The following DNAAF2 variants were observed in gnomAD, a reference collection of about 807,000 sequenced individuals.
DNAAF2 encodes the protein protein kintoun.
In DNAAF2, 58 loss-of-function variants were observed where a neutral mutation model predicts 48.8. The ratio of observed to expected loss-of-function variants is 1.19; its 90% CI spans 0.96 to 1.48. The LOEUF (loss-of-function observed/expected upper bound fraction) is 1.48. Among genes scored for constraint, DNAAF2 ranks in the 40% most tolerant of loss-of-function variants. The probability of loss-of-function intolerance (pLI) is 0.00; values close to 1 mark genes in which losing one functional copy is unlikely to be tolerated. For missense variants in DNAAF2, 1,241 were observed against 1,116.1 expected, an observed-to-expected ratio of 1.11 and a Z score of -1.59; for synonymous variants, 567 against 481.2, an observed-to-expected ratio of 1.18 and a Z score of -2.33.
chr14:49,635,179 A>G lies in DNAAF2; in HGVS notation c.-30T>C. The stretch of plus-strand genomic sequence containing the variant: ...TCCTGTGGCTCCTCGCCCTCGGGCC[A>G]AAGGCGATCAGTCTGACACTGGGTT... On this transcript the variant is annotated 5_prime_UTR_variant, in exon 1 of 3. Transcript: ENST00000298292. 6.5e-7 allele frequency: 1 copy of G among 1,548,946 alleles called. No homozygotes were observed. The highest frequency in any genetic ancestry group is 8.7e-7 in the Non-Finnish European group (1 of 1,146,214).
At chr14:49,630,990 C>A (rs1883146968) in intron 1 of DNAAF2, among the ~76,000 whole-genome samples, 4 of 152,120 alleles carry the variant, frequency 2.6e-5, no homozygotes, top group Admixed American at 2.6e-4. Flanking sequence ...ACCTCGTGAT[C>A]TGCCTGCTTC....
At position 49,634,031 on chromosome 14, in the gene DNAAF2, G is replaced by A. The variant is rs1227922342; in HGVS notation, c.1119C>T (p.Ser373=). 5.9e-6 allele frequency: 9 copies of A among 1,520,974 alleles called. No homozygotes were observed. In the Admixed American group the frequency reaches 6.2e-5, roughly 11 times the overall value. The allele number at this position is 1,520,974 out of a possible 1,614,324, so 94.2% of individuals were successfully genotyped here. A position where few individuals can be genotyped will look rare whatever the true frequency, so the allele number is the denominator to read the frequency against. ...AAAPEESADR[S]GTDGQACASA... ...AAGCGCAGGCCTGGCCGTCAGTTCC[G>A]GACCGGTCCGCGGACTCTTCCGGCG... The change falls in exon 1 of 3, where the codon TCC becomes TCT. Residue 373 remains serine (S), a synonymous_variant. Transcript: ENST00000298292.
chr14:49,634,496 C>T lies in DNAAF2; in HGVS notation c.654G>A (p.Lys218=), dbSNP rs1200087064. Reference sequence around the variant, plus strand: ...GGTAGGGGAAGTCCGGGAGAGGACCCTTCGGCTCCCCGTCAGGCCTTGCGG... The same window carrying T: ...GGTAGGGGAAGTCCGGGAGAGGACCTTTCGGCTCCCCGTCAGGCCTTGCGG... ...VIPARPDGEP[K]GPLPDFPYPY... Residue 218 remains lysine (K), a synonymous_variant, in exon 1 of 3, where the codon AAG becomes AAA. Coordinates refer to ENST00000298292, the MANE Select transcript of DNAAF2 (RefSeq NM_018139.3). The T allele has an allele frequency of 1.3e-6, 2 of 1,593,768 alleles. No homozygotes were observed. Among genetic ancestry groups the T allele is most frequent in the East Asian group, 2.2e-5 (1 of 44,598 alleles).
intron 1 of DNAAF2, among the ~76,000 whole-genome samples, chr14:49,632,825 G>A (rs895896754): frequency 6.6e-6 from 1 of 151,970 alleles, no homozygotes; most frequent in African/African-American, 2.4e-5. Flanking sequence ...TATGTTAAAA[G>A]AGCTAAAAAA....
At chr14:49,628,404 T>C (rs1883066108) in intron 1 of DNAAF2, among the ~76,000 whole-genome samples, 1 of 152,194 alleles carries the variant, frequency 6.6e-6, no homozygotes, top group African/African-American at 2.4e-5. Flanking sequence ...CTTGGTACTT[T>C]TTCTGTCTAT....
Position 49,634,705 on chromosome 14 carries a change from C to G in DNAAF2, c.445G>C (p.Asp149His). 1.9e-6 allele frequency: 3 copies of G among 1,606,178 alleles called. No individual in the cohort carries two copies. Among genetic ancestry groups the G allele is most frequent in the Non-Finnish European group, 8.5e-7 (1 of 1,179,634 alleles). Reference sequence around the variant, plus strand: ...TGCCGCCGGGCCAGCGCAAGCGCGTCTGGATGGAAGACCACGTCGTAGACC... The same window carrying G: ...TGCCGCCGGGCCAGCGCAAGCGCGTGTGGATGGAAGACCACGTCGTAGACC... ...YMVYDVVFHP[D>H]ALALARRHEG... Residue 149 changes from aspartate (D) to histidine (H), a missense_variant, in exon 1 of 3, where the codon GAC (aspartate) becomes CAC (histidine). Transcript: ENST00000298292.
In DNAAF2 at chr14:49,633,295, A is replaced by T; in HGVS notation, c.1855T>A (p.Ser619Thr). 6.2e-7 allele frequency: 1 copy of T among 1,613,058 alleles called. No individual in the cohort carries two copies. The highest frequency in any genetic ancestry group is 8.5e-7 in the Non-Finnish European group (1 of 1,179,166). Residue 619 changes from serine to threonine, a missense_variant, in exon 1 of 3, where the codon TCT becomes ACT. Transcript: ENST00000298292. ...CTGGAAAGAACTGTTACCTCCAAAG[A>T]ATCGTTGTTTACACCATAATACCAC... is the stretch of plus-strand genomic sequence containing the variant. ...REWYYGVNNDSLEERLFVNEE... is the reference protein window; with the variant it reads ...REWYYGVNNDTLEERLFVNEE...
At chr14:49,631,270 C>T (rs1477603329) in intron 1 of DNAAF2, among the ~76,000 whole-genome samples, 2 of 152,086 alleles carry the variant, frequency 1.3e-5, no homozygotes, top group Admixed American at 1.3e-4. Context: ...AATAATACAC[C>T]AAATATTTTA....
intron 1 of DNAAF2, among the ~76,000 whole-genome samples, chr14:49,630,711 TAC>T (rs34629972): frequency 0.089 from 10,730 of 120,074 alleles, 1,338 homozygotes; most frequent in African/African-American, 0.29. Flanking sequence ...ATAAACTCTC[TAC>T]ACACACACAC....
At chr14:49,630,288 A>C (rs900991738) in intron 1 of DNAAF2, among the ~76,000 whole-genome samples, 1 of 151,730 alleles carries the variant, frequency 6.6e-6, no homozygotes, top group Admixed American at 6.6e-5. Flanking sequence ...TGCTGACATG[A>C]AAAGATTTCT....
intron 1 of DNAAF2, among the ~76,000 whole-genome samples, chr14:49,630,758 T>TACACAC (rs1463321654): frequency 8.1e-5 from 5 of 61,766 alleles, no homozygotes; most frequent in Non-Finnish European, 1.8e-4. Flanking sequence ...CACACACACT[T>TACACAC]TTTTTTTTTT....
rs762793828 is a variant in DNAAF2, at chr14:49,633,975, C to T, written c.1175G>A (p.Arg392Lys). The T allele has an allele frequency of 2.0e-6, 3 of 1,526,122 alleles. No individual in the cohort carries two copies. Among genetic ancestry groups the T allele is most frequent in the South Asian group, 2.4e-5 (2 of 82,824 alleles). The allele number at this position is 1,526,122 out of a possible 1,614,324, so 94.5% of individuals were successfully genotyped here. A position where few individuals can be genotyped will look rare whatever the true frequency, so the allele number is the denominator to read the frequency against. ...SAREGEAGPA[R>K]SRAEDGGHDT... is the part of the protein sequence containing the mutation. ...GTGGCCTCCGTCCTCCGCGCGACTC[C>T]TCGCGGGTCCCGCCTCCCCCTCGCG... is the stretch of plus-strand genomic sequence containing the variant. Residue 392 changes from arginine (R) to lysine (K), a missense_variant, in exon 1 of 3, where the codon AGG becomes AAG. Physicochemically the swap from Arg to Lys is conservative, Grantham distance 26 (BLOSUM62 2). Coordinates refer to ENST00000298292, the MANE Select transcript of DNAAF2 (RefSeq NM_018139.3).
Position 49,625,551 on chromosome 14 carries a change from A to C in DNAAF2, c.2505T>G (p.Asp835Glu). 1 of 1,585,306 alleles carries C rather than the reference A, an allele frequency of 6.3e-7. No homozygotes were observed. Among genetic ancestry groups the C allele is most frequent in the South Asian group, 1.2e-5 (1 of 84,494 alleles). ...CCAAAATTATATAGAATTAATCCAA[A>C]TCATATAGCAAAGAATTCTGAAAAC... ...AFSFQNSLLY[D>E]LD Residue 835 changes from aspartate (D) to glutamate (E), a missense_variant, in exon 3 of 3, where the codon GAT (aspartate) becomes GAG (glutamate). By Grantham distance (45) the Asp-to-Glu change is conservative. Coordinates refer to ENST00000298292, the MANE Select transcript of DNAAF2 (RefSeq NM_018139.3).
Position 49,625,910 on chromosome 14 carries a change from C to A in DNAAF2, c.2146G>T (p.Ala716Ser). The part of the protein sequence containing the change: ...TDSDSSIAVK[A>S]LQIDSFGLVT... ...AAACCAAAGCTATCTATTTGTAGTG[C>A]TTTAACTGCTATAGATGAATCAGAA... Residue 716 changes from alanine to serine, a missense_variant, in exon 3 of 3, where the codon GCA becomes TCA. By Grantham distance (99) the Ala-to-Ser change is moderately conservative (BLOSUM62 1). Transcript: ENST00000298292. 6.2e-7 allele frequency: 1 copy of A among 1,613,496 alleles called. No individual in the cohort carries two copies. The highest frequency in any genetic ancestry group is 8.5e-7 in the Non-Finnish European group (1 of 1,179,740).
rs182613094 is a variant in DNAAF2 at position 49,634,565 on chromosome 14, G to C, written c.585C>G (p.Thr195=). The change falls in exon 1 of 3, where the codon ACC becomes ACG. Residue 195 remains threonine (T), a synonymous_variant. Transcript: ENST00000298292. ...GCGTGCGCAGCACCGCAGCCTCTGGGGTCCCCTTATACTTGGCCTTCAGGG... is the reference window on the plus strand; with the variant it reads ...GCGTGCGCAGCACCGCAGCCTCTGGCGTCCCCTTATACTTGGCCTTCAGGG... ...AKTLKAKYKG[T]PEAAVLRTPL... is the part of the protein sequence containing the mutation. The C allele has an allele frequency of 6.2e-7, 1 of 1,604,620 alleles. No homozygotes were observed. Among genetic ancestry groups the C allele is most frequent in the East Asian group, 2.2e-5 (1 of 44,858 alleles).
rs957674665 is a variant in DNAAF2, at chr14:49,633,979, C to A, written c.1171G>T (p.Ala391Ser). ...CCTCCGTCCTCCGCGCGACTCCTCG[C>A]GGGTCCCGCCTCCCCCTCGCGAGCG... ...ASAREGEAGP[A>S]RSRAEDGGHD... is the part of the protein sequence containing the mutation. Residue 391 changes from alanine (A) to serine (S), a missense_variant, in exon 1 of 3, where the codon GCG becomes TCG. Transcript: ENST00000298292. The A allele has an allele frequency of 6.6e-7, 1 of 1,525,178 alleles. No individual in the cohort carries two copies. 94.5% of individuals were successfully genotyped at this position (1,525,178 alleles called of 1,614,324 possible).
intron 1 of DNAAF2, chr14:49,629,951 G>A (rs2139576263): frequency 6.6e-6 from 1 of 152,210 alleles, no homozygotes; most frequent in Middle Eastern, 3.4e-3. Context: ...AAAAAATTAG[G>A]CTGGGCACAG....
chr14:49,633,236 T>G, intron 1 of DNAAF2, 51 bp downstream of exon 1: 1 of 1,589,866 alleles, frequency 6.3e-7, no homozygotes. Flanking sequence ...AGCAAATTTT[T>G]AAAGTGAGAT....
chr14:49,627,652 G>A (rs532284650), intron 2 of DNAAF2, among the ~76,000 whole-genome samples: 12 of 152,064 alleles, frequency 7.9e-5, no homozygotes, highest in Admixed American at 4.6e-4. Context: ...TCAGGAGATC[G>A]AGACCATCCT....
Sources: gnomAD v4.1 joint callset for allele counts (sites outside exome capture counted in the v4.1 genomes callset) on GRCh38, gnomAD v4.1.1 for gene constraint, MANE v1.5 for transcripts, NCBI Gene and HGNC (gene_info 2026-07-23, HGNC 2026-07-21) for gene names.